The following HTT variants were observed in gnomAD, a reference collection of about 807,000 sequenced individuals.
HTT encodes the protein huntingtin.
Under a neutral mutation model 362.3 loss-of-function variants are expected in HTT, and 104 were observed. That is an observed-to-expected ratio of 0.29 (90% CI 0.24 to 0.34). The LOEUF (loss-of-function observed/expected upper bound fraction) is 0.34. Among genes scored for constraint, HTT ranks in the 10% least tolerant of loss-of-function variants. The pLI, the probability that HTT is intolerant of heterozygous loss-of-function variation, is 1.00. For missense variants in HTT, 3,301 were observed against 3,928.6 expected (o/e 0.84, Z 4.27); for synonymous variants, 1,577 against 1,548.7 (o/e 1.02, Z -0.43).
At chr4:3,236,074 T>G in intron 63 of HTT, 75 bp from the exon 64 acceptor site, 1 of 1,061,828 alleles carries the variant, frequency 9.4e-7, no homozygotes, top group Non-Finnish European at 1.5e-6. Context: ...ACTGGACCCC[T>G]GTGTACAAAG....
In HTT at chr4:3,140,621, G is replaced by T; in HGVS notation, c.2910G>T (p.Gln970His). Residue 970 changes from glutamine to histidine, a missense_variant, in exon 22 of 67, where the codon CAG (glutamine) becomes CAT (histidine). Transcript: ENST00000355072. ...TGAAACTTCTCATGCATGAGACGCA[G>T]CCTCCATCTCATTTCTCCGTCAGCA... ...VYLKLLMHET[Q>H]PPSHFSVSTI... The T allele has an allele frequency of 6.2e-7, 1 of 1,614,120 alleles. No individual in the cohort carries two copies. Among genetic ancestry groups the T allele is most frequent in the South Asian group, 1.1e-5 (1 of 91,076 alleles).
At chr4:3,081,656 T>C (rs1274241446) in intron 1 of HTT, among the ~76,000 whole-genome samples, 1 of 150,864 alleles carries the variant, frequency 6.6e-6, no homozygotes, top group African/African-American at 2.4e-5. Context: ...CCTCCCAGGT[T>C]CAAGACATTC....
intron 41 of HTT, among the ~76,000 whole-genome samples, chr4:3,202,750 G>T (rs933134582): frequency 1.9e-4 from 29 of 152,280 alleles, no homozygotes; most frequent in African/African-American, 6.3e-4. Context: ...GGTGGCTCAT[G>T]CCTGTAATCC....
Position 3,132,633 on chromosome 4 carries a change from A to T in HTT, c.2308A>T (p.Ile770Phe), listed in dbSNP as rs371462947. 1.2e-6 allele frequency: 2 copies of T among 1,613,854 alleles called. No homozygotes were observed. The highest frequency in any genetic ancestry group is 2.7e-5 in the African/African-American group (2 of 74,914). ...CCCACAGGTTCGAGGAGCCACTGCC[A>T]TTCTCTGTGGGACCCTCATCTGCTC... ...GDPQVRGATA[I>F]LCGTLICSIL... Residue 770 changes from isoleucine to phenylalanine, a missense_variant, in exon 17 of 67, where the codon ATT becomes TTT. By Grantham distance (21) the Ile-to-Phe change is conservative. Coordinates refer to ENST00000355072, the MANE Select transcript of HTT (RefSeq NM_001388492.1).
Position 3,178,338 on chromosome 4 carries a change from G to C in HTT, c.4504G>C (p.Val1502Leu). ...CATTCCAAACATCTTTTTCTTCTTG[G>C]TATTACTATCTTATGAACGCTATCA... Reference protein sequence around the residue: ...AIIPNIFFFLVLLSYERYHSK... With the variant: ...AIIPNIFFFLLLLSYERYHSK... The change falls in exon 35 of 67, where the codon GTA (valine) becomes CTA (leucine). Residue 1502 changes from valine to leucine, a missense_variant. Physicochemically the swap from Val to Leu is conservative, Grantham distance 32. Around this residue, in one of 4 missense-constraint regions of HTT, gnomAD observed 2,316 missense variants for 2,658.5 expected, o/e 0.87. Transcript: ENST00000355072. 1.9e-6 allele frequency: 3 copies of C among 1,610,992 alleles called. No homozygotes were observed. Among genetic ancestry groups the C allele is most frequent in the Non-Finnish European group, 2.5e-6 (3 of 1,177,352 alleles).
chr4:3,239,024 C>G (rs1721681609), intron 66 of HTT, 46 bp downstream of exon 66: 1 of 1,540,314 alleles, frequency 6.5e-7, no homozygotes, highest in Admixed American at 1.9e-5. Flanking sequence ...CCCTTGTCAA[C>G]ACCGAGGCTC....
At chr4:3,161,313 G>A (rs555361840) in intron 29 of HTT, among the ~76,000 whole-genome samples, 1 of 152,258 alleles carries the variant, frequency 6.6e-6, no homozygotes, top group South Asian at 2.1e-4. Context: ...TCTTAATCCA[G>A]TCTATCATTG....
intron 11 of HTT, among the ~76,000 whole-genome samples, chr4:3,125,929 G>T (rs1261116916): frequency 6.6e-6 from 1 of 152,216 alleles, no homozygotes; most frequent in Non-Finnish European, 1.5e-5. Context: ...CATCTCATGA[G>T]TTGGATGGGT....
chr4:3,226,500 G>A (rs554823259), intron 57 of HTT, among the ~76,000 whole-genome samples: 13 of 152,308 alleles, frequency 8.5e-5, no homozygotes, highest in Non-Finnish European at 1.3e-4. Flanking sequence ...GAAACGTAGG[G>A]CCATTTGCAT....
chr4:3,211,194 A>G (rs1250635309), intron 47 of HTT, among the ~76,000 whole-genome samples: 1 of 152,114 alleles, frequency 6.6e-6, no homozygotes, highest in Non-Finnish European at 1.5e-5. Flanking sequence ...CTGAGCCACC[A>G]CGCCCGGCCT....
Position 3,127,431 on chromosome 4 carries a change from G to A in HTT, c.1570G>A (p.Gly524Arg), listed in dbSNP as rs537369613. Residue 524 changes from glycine to arginine, a missense_variant, in exon 12 of 67, where the codon GGG becomes AGG. Gly to Arg is a moderately radical substitution (Grantham distance 125, BLOSUM62 -2). Coordinates refer to ENST00000355072, the MANE Select transcript of HTT (RefSeq NM_001388492.1). ...SCDLTSSATD[G>R]DEEDILSHSS... ...TGACTTGACAAGCTCTGCCACTGATGGGGATGAGGAGGATATCTTGAGCCA... is the reference window on the plus strand; with the variant it reads ...TGACTTGACAAGCTCTGCCACTGATAGGGATGAGGAGGATATCTTGAGCCA... The A allele has an allele frequency of 7.4e-6, 12 of 1,614,128 alleles. No individual in the cohort carries two copies. In the Admixed American group the frequency reaches 8.3e-5, roughly 11 times the overall value.
At position 3,178,412 on chromosome 4, in the gene HTT, C is replaced by T; in HGVS notation, c.4578C>T (p.Gly1526=). ...CTAAAATCATTCAGCTCTGTGATGG[C>T]ATCATGGCCAGTGGAAGGAAGGCTG... The part of the protein sequence containing the change: ...GIPKIIQLCD[G]IMASGRKAVT... The change falls in exon 35 of 67, where the codon GGC becomes GGT. Residue 1526 remains glycine, a synonymous_variant. Coordinates refer to ENST00000355072, the MANE Select transcript of HTT (RefSeq NM_001388492.1). 1 of 1,613,742 alleles carries T rather than the reference C, an allele frequency of 6.2e-7. No homozygotes were observed. Among genetic ancestry groups the T allele is most frequent in the Non-Finnish European group, 8.5e-7 (1 of 1,179,726 alleles).
chr4:3,199,676 A>C, intron 40 of HTT, 56 bp from the exon 41 acceptor site: 1 of 1,488,476 alleles, frequency 6.7e-7, no homozygotes, highest in Non-Finnish European at 9.3e-7. Flanking sequence ...TCGCGTAGCC[A>C]TGTGGCACTG....
intron 22 of HTT, 27 bp downstream of exon 22, chr4:3,140,683 A>G (rs1470009012): frequency 1.5e-5 from 24 of 1,604,396 alleles, no homozygotes; most frequent in Non-Finnish European, 1.8e-5. Flanking sequence ...GCATCTTCAC[A>G]TTGTCGGGAA....
At position 3,235,673 on chromosome 4, in the gene HTT, C is replaced by T; in HGVS notation, c.8680C>T (p.Leu2894=). ...CCTGCTCTCTGAGCAGCTCTCCCGC[C>T]TGGATGCAGAATCGCTGGTCAAGCT... ...RLLLSEQLSR[L]DAESLVKLSV... The change falls in exon 63 of 67, where the codon CTG becomes TTG. Residue 2894 remains leucine (L), a synonymous_variant. Coordinates refer to ENST00000355072, the MANE Select transcript of HTT (RefSeq NM_001388492.1). 2 of 1,613,742 alleles carry T rather than the reference C, an allele frequency of 1.2e-6. No individual in the cohort carries two copies.
chr4:3,235,158 G>A (rs1721461048), intron 61 of HTT, 126 bp from the exon 62 acceptor site: 3 of 691,800 alleles, frequency 4.3e-6, no homozygotes, highest in Admixed American at 4.5e-5. Context: ...AGCCACTCAG[G>A]GTAGGCGCTC....
intron 60 of HTT, among the ~76,000 whole-genome samples, 177 bp from the exon 61 acceptor site, chr4:3,232,986 C>T (rs541975685): frequency 6.6e-6 from 1 of 152,394 alleles, no homozygotes; most frequent in East Asian, 1.9e-4. Flanking sequence ...TGGGCACCGT[C>T]CCAACACCAG....
At chr4:3,126,630 A>G (rs891564971) in intron 11 of HTT, among the ~76,000 whole-genome samples, 1 of 152,236 alleles carries the variant, frequency 6.6e-6, no homozygotes, top group Non-Finnish European at 1.5e-5. Flanking sequence ...CGGATACTAT[A>G]AAGCTCACAT....
chr4:3,154,204 T>C, intron 26 of HTT, 89 bp from the exon 27 acceptor site: 1 of 1,138,220 alleles, frequency 8.8e-7, no homozygotes, highest in South Asian at 1.6e-5. Flanking sequence ...TAATAAATGG[T>C]AAAACCAAAT....
Sources: gnomAD v4.1 joint callset for allele counts (sites outside exome capture counted in the v4.1 genomes callset) on GRCh38, gnomAD v4.1.1 for gene constraint, gnomAD v4.1.1 regional missense constraint, MANE v1.5 for transcripts, NCBI Gene and HGNC (gene_info 2026-07-23, HGNC 2026-07-21) for gene names.